COL17A1: variants seen among roughly 807,000 people sequenced by gnomAD.
The protein encoded by COL17A1 is collagen alpha-1(XVII) chain.
Under a neutral mutation model 218.4 loss-of-function variants are expected in COL17A1, and 181 were observed. The ratio of observed to expected loss-of-function variants is 0.83; its 90% CI spans 0.73 to 0.94. The LOEUF is 0.94. Ranked by LOEUF, COL17A1 falls within the 40% of genes least tolerant of loss-of-function variation. The probability of loss-of-function intolerance (pLI) is 0.00; values close to 1 mark genes in which losing one functional copy is unlikely to be tolerated. For missense variants in COL17A1, 1,924 were observed against 1,945.9 expected (o/e 0.99, Z 0.21); for synonymous variants, 721 against 731.0 (o/e 0.99, Z 0.22).
chr10:104,052,947 A>G, intron 23 of COL17A1, 84 bp downstream of exon 23: 3 of 1,492,454 alleles, frequency 2.0e-6, no homozygotes, highest in Non-Finnish European at 2.8e-6. Flanking sequence ...AGAAACAGAG[A>G]CAGAGTGAAG....
At chr10:104,051,048 C>T (rs1350400350) in intron 25 of COL17A1, 147 bp from the exon 26 acceptor site, 3 of 1,433,434 alleles carry the variant, frequency 2.1e-6, no homozygotes, top group Admixed American at 2.0e-5. Context: ...TGGACTCCTT[C>T]CCAAGTCCTT....
Position 104,051,188 on chromosome 10 carries a change from T to C in COL17A1, c.2039-287A>G, listed in dbSNP as rs572843695. ...GACAGCAGGACAAGCTCTGTGGCCA[T>C]AGGGGACAAGAGAGAGGCAGGTGCT... On this transcript the variant is annotated intron_variant, in intron 25 of 55. Coordinates refer to ENST00000648076, the MANE Select transcript of COL17A1 (RefSeq NM_000494.4). Among the ~76,000 whole-genome samples, 12 of 152,210 alleles carry C rather than the reference T, an allele frequency of 7.9e-5. No homozygotes were observed. The East Asian group carries it at 1.2e-3, about 15-fold the overall frequency.
At chr10:104,052,079 C>T (rs1034150062) in intron 24 of COL17A1, 76 bp downstream of exon 24, 1 of 1,599,570 alleles carries the variant, frequency 6.3e-7, no homozygotes, top group Non-Finnish European at 8.6e-7. Context: ...GGTCCCAGGG[C>T]CTCTTCTCTG....
chr10:104,074,698 G>C (rs2134653148), intron 5 of COL17A1, among the ~76,000 whole-genome samples: 1 of 152,340 alleles, frequency 6.6e-6, no homozygotes. Flanking sequence ...GCACTGTGAT[G>C]ATGCAATCCA....
At chr10:104,054,012 T>C (rs1247482003) in intron 21 of COL17A1, 30 bp from the exon 22 acceptor site, 23 of 1,612,290 alleles carry the variant, frequency 1.4e-5, no homozygotes, top group South Asian at 2.2e-5. Flanking sequence ...TCTCAGCCCC[T>C]GTTTTCCTCC....
chr10:104,046,728 G>C lies in COL17A1; in HGVS notation c.2362+19C>G. Reference sequence around the variant, plus strand: ...GGAGAAGGTGGGAGACAGCAGGTGGGAATGATCCAGCGACTCACCCTGAGG... The same window carrying C: ...GGAGAAGGTGGGAGACAGCAGGTGGCAATGATCCAGCGACTCACCCTGAGG... On this transcript the variant is annotated intron_variant, in intron 32 of 55. Transcript: ENST00000648076. 5.0e-6 allele frequency: 8 copies of C among 1,613,506 alleles called. No homozygotes were observed. The highest frequency in any genetic ancestry group is 6.8e-6 in the Non-Finnish European group (8 of 1,179,484).
chr10:104,032,781 A>G (rs41302703), intron 54 of COL17A1, 27 bp from the exon 55 acceptor site: 56,111 of 1,613,198 alleles, frequency 0.035, 1,574 homozygotes, highest in East Asian at 0.11. Context: ...GGCGTAACTA[A>G]GTAATACATG....
chr10:104,051,628 G>A, intron 24 of COL17A1, 112 bp from the exon 25 acceptor site: 1 of 1,358,322 alleles, frequency 7.4e-7, no homozygotes, highest in Non-Finnish European at 1.0e-6. Flanking sequence ...GGTGAGGGCT[G>A]TGTGAGTGTA....
intron 15 of COL17A1, chr10:104,059,325 G>A (rs2134625891): frequency 2.4e-6 from 1 of 411,124 alleles, no homozygotes; most frequent in African/African-American, 2.0e-5. Flanking sequence ...GCTTTGCAAA[G>A]CATTTTTCTA....
rs201055348 is a variant in COL17A1 at position 104,055,902 on chromosome 10, G to C, written c.1567C>G (p.Arg523Gly). ...GDSMDRIEKD[R>G]LQGMAPAAGA... The stretch of plus-strand genomic sequence containing the variant: ...GCCGCGGGTGCCATGCCCTGGAGGC[G>C]GTCCTTTTCTATTCTATCCATGCTG... The change falls in exon 18 of 56, where the codon CGC becomes GGC. Residue 523 changes from arginine (R) to glycine (G), a missense_variant. By Grantham distance (125) the Arg-to-Gly change is moderately radical. Coordinates refer to ENST00000648076, the MANE Select transcript of COL17A1 (RefSeq NM_000494.4). 1 of 1,614,128 alleles carries C rather than the reference G, an allele frequency of 6.2e-7. No homozygotes were observed. The highest frequency in any genetic ancestry group is 8.5e-7 in the Non-Finnish European group (1 of 1,180,026).
At chr10:104,035,991 T>A in intron 48 of COL17A1, among the ~76,000 whole-genome samples, 1 of 138,210 alleles carries the variant, frequency 7.2e-6, no homozygotes, top group East Asian at 2.2e-4. Flanking sequence ...GGAATGCGTG[T>A]GTGTATGCAT....
chr10:104,059,785 C>G, intron 14 of COL17A1, 67 bp from the exon 15 acceptor site: 2 of 1,521,664 alleles, frequency 1.3e-6, no homozygotes, highest in Middle Eastern at 1.7e-4. Context: ...TCCTGTGTTC[C>G]CCCCGCCCTT....
intron 16 of COL17A1, 26 bp downstream of exon 16, chr10:104,058,120 C>G: frequency 6.2e-7 from 1 of 1,614,068 alleles, no homozygotes; most frequent in Non-Finnish European, 8.5e-7. Flanking sequence ...GATCCTGTCA[C>G]TGCAGGGTTC....
rs2086244928 is a variant in COL17A1, at chr10:104,034,095, G to C, written c.4006C>G (p.Pro1336Ala). 6.2e-7 allele frequency: 1 copy of C among 1,613,994 alleles called. No individual in the cohort carries two copies. The highest frequency in any genetic ancestry group is 1.3e-5 in the African/African-American group (1 of 74,940). The change falls in exon 52 of 56, where the codon CCC becomes GCC. Residue 1336 changes from proline (P) to alanine (A), a missense_variant. Transcript: ENST00000648076. ...CCTGGGCCGATGTCAGTGCCATAGGGACCCCTGTCTCCTGCAGCTTCACCA... is the reference window on the plus strand; with the variant it reads ...CCTGGGCCGATGTCAGTGCCATAGGCACCCCTGTCTCCTGCAGCTTCACCA... Reference protein sequence around the residue: ...AFGEAAGDRGPYGTDIGPGGG... With the variant: ...AFGEAAGDRGAYGTDIGPGGG...
intron 6 of COL17A1, 184 bp downstream of exon 6, chr10:104,074,000 C>A: frequency 1.2e-6 from 1 of 824,570 alleles, no homozygotes; most frequent in South Asian, 1.5e-5. Context: ...GTTAATGTGG[C>A]TGATAGTCCC....
chr10:104,035,988 G>C (rs575739277), intron 48 of COL17A1, among the ~76,000 whole-genome samples: 13 of 145,806 alleles, frequency 8.9e-5, no homozygotes, highest in Admixed American at 5.5e-4. Context: ...ATGGGAATGC[G>C]TGTGTGTATG....
intron 2 of COL17A1, 113 bp downstream of exon 2, chr10:104,080,509 T>A: frequency 7.8e-7 from 1 of 1,288,734 alleles, no homozygotes; most frequent in Non-Finnish European, 1.1e-6. Flanking sequence ...GGAACACACT[T>A]AAACATGATA....
At chr10:104,043,086 A>C (rs946996340) in intron 35 of COL17A1, among the ~76,000 whole-genome samples, 1 of 152,188 alleles carries the variant, frequency 6.6e-6, no homozygotes, top group African/African-American at 2.4e-5. Flanking sequence ...GATACCTAGC[A>C]TTTTTGTTGC....
intron 12 of COL17A1, among the ~76,000 whole-genome samples, chr10:104,061,708 C>T (rs2086584519): frequency 6.6e-6 from 1 of 152,232 alleles, no homozygotes; most frequent in Non-Finnish European, 1.5e-5. Flanking sequence ...CCATGCATCT[C>T]CTTCTCTCCT....
Sources: gnomAD v4.1 joint callset for allele counts (sites outside exome capture counted in the v4.1 genomes callset) on GRCh38, gnomAD v4.1.1 for gene constraint, MANE v1.5 for transcripts, NCBI Gene and HGNC (gene_info 2026-07-23, HGNC 2026-07-21) for gene names.